Variants in RYR3 observed in about 807,000 individuals in gnomAD.
The protein encoded by RYR3 is ryanodine receptor 3.
In RYR3, 207 loss-of-function variants were observed where a neutral mutation model predicts 584.3. The observed-to-expected ratio is 0.35, with a 90% CI of 0.32 to 0.40. The LOEUF is 0.40. RYR3 is among the 10% of genes least tolerant of loss of function. RYR3 has a pLI of 1.00. For missense variants in RYR3, 5,616 were observed against 6,089.2 expected, an observed-to-expected ratio of 0.92 and a Z score of 2.59; for synonymous variants, 2,416 against 2,248.5, an observed-to-expected ratio of 1.07 and a Z score of -2.11.
chr15:33,844,961 C>T lies in RYR3; in HGVS notation c.13396C>T (p.Leu4466Phe), dbSNP rs199987027. The change falls in exon 93 of 104, where the codon CTT becomes TTT. Residue 4466 changes from leucine to phenylalanine, a missense_variant. By Grantham distance (22) the Leu-to-Phe change is conservative. This residue lies in a region of RYR3 where 918 missense variants were observed against 887.4 expected (regional missense o/e 1.03). Transcript: ENST00000634891. ...GGAAGAAGCGATGGTATTCTTTGTC[C>T]TTCAGGAGAGCACCGGGTATATGGC... is the stretch of plus-strand genomic sequence containing the variant. The part of the protein sequence containing the change: ...EEEEAMVFFV[L>F]QESTGYMAPT... 1.2e-6 allele frequency: 2 copies of T among 1,613,944 alleles called. No homozygotes were observed. The highest frequency in any genetic ancestry group is 1.7e-6 in the Non-Finnish European group (2 of 1,179,872).
chr15:33,693,292 A>G (rs1481599512), intron 38 of RYR3, among the ~76,000 whole-genome samples: 2 of 152,192 alleles, frequency 1.3e-5, no homozygotes, highest in African/African-American at 4.8e-5. Flanking sequence ...CCTCCATGCT[A>G]CCATGCCTGC....
At chr15:33,565,830 A>G (rs2057685482) in intron 11 of RYR3, among the ~76,000 whole-genome samples, 1 of 152,156 alleles carries the variant, frequency 6.6e-6, no homozygotes, top group Admixed American at 6.5e-5. Context: ...GGTAGTCCCA[A>G]AAAAATTGTG....
At chr15:33,713,041 A>C (rs1037749378) in intron 43 of RYR3, among the ~76,000 whole-genome samples, 1 of 152,210 alleles carries the variant, frequency 6.6e-6, no homozygotes, top group Admixed American at 6.5e-5. Context: ...TAATAAACAG[A>C]TTTCTTTGGA....
chr15:33,607,590 A>C (rs1445615536), intron 18 of RYR3, among the ~76,000 whole-genome samples: 3 of 152,204 alleles, frequency 2.0e-5, no homozygotes, highest in African/African-American at 7.2e-5. Flanking sequence ...GGTTGTTCTA[A>C]AAGGGTCAAA....
chr15:33,313,050 G>A (rs967218237), intron 1 of RYR3, among the ~76,000 whole-genome samples: 4 of 152,154 alleles, frequency 2.6e-5, no homozygotes, highest in Admixed American at 6.5e-5. Flanking sequence ...ACTGCATACC[G>A]GTTATGGCTT....
Position 33,397,870 on chromosome 15 carries a change from AG to A in RYR3, c.52-75543del, listed in dbSNP as rs1057217571. On this transcript the variant is annotated intron_variant, in intron 1 of 103. Transcript: ENST00000634891. Reference sequence around the variant, plus strand: ...AGTTGTTGTGTCTAAACCACAGAAGAGGGGGGTGTAATGAGGCCTATTTGAT... The same window carrying A: ...AGTTGTTGTGTCTAAACCACAGAAGAGGGGGTGTAATGAGGCCTATTTGAT... Among the ~76,000 whole-genome samples, 18 of 152,214 alleles carry A rather than the reference AG, an allele frequency of 1.2e-4. 1 individual carries two copies. Among genetic ancestry groups the A allele is most frequent in the South Asian group, 8.3e-4 (4 of 4,816 alleles).
chr15:33,724,743 A>G (rs766741262), intron 45 of RYR3, among the ~76,000 whole-genome samples: 38 of 152,124 alleles, frequency 2.5e-4, no homozygotes, highest in Non-Finnish European at 4.9e-4. Context: ...GCCTTATTTC[A>G]TATAAGGTCT....
intron 60 of RYR3, among the ~76,000 whole-genome samples, chr15:33,761,942 G>A (rs115656360): frequency 0.012 from 1,755 of 152,212 alleles, 26 homozygotes; most frequent in African/African-American, 0.04. Context: ...TGGGATCCAA[G>A]GCTGGTTCAA....
intron 22 of RYR3, among the ~76,000 whole-genome samples, 165 bp from the exon 23 acceptor site, chr15:33,631,045 C>T (rs1397159144): frequency 6.6e-6 from 1 of 152,152 alleles, no homozygotes; most frequent in East Asian, 1.9e-4. Context: ...ACATATGGCT[C>T]ACAAAGCCTA....
intron 5 of RYR3, among the ~76,000 whole-genome samples, chr15:33,535,750 A>C (rs1227139812): frequency 6.6e-6 from 1 of 152,216 alleles, no homozygotes; most frequent in Non-Finnish European, 1.5e-5. Flanking sequence ...AAATAAAGGG[A>C]AACAACAGCG....
chr15:33,437,350 C>T (rs34318413), intron 1 of RYR3, among the ~76,000 whole-genome samples: 9,350 of 152,272 alleles, frequency 0.061, 372 homozygotes, highest in Non-Finnish European at 0.092. Flanking sequence ...CTCATGGTTA[C>T]GGCATGGCTG....
In RYR3 at chr15:33,452,697, G is replaced by T. The variant is rs569934713; in HGVS notation, c.52-20722G>T. On this transcript the variant is annotated intron_variant, in intron 1 of 103. Transcript: ENST00000634891. ...TTTCCATTTCACAGCCAAAAAAATTGAGGTGTGAGAGGTTAAAAAAATTGC... is the reference window on the plus strand; with the variant it reads ...TTTCCATTTCACAGCCAAAAAAATTTAGGTGTGAGAGGTTAAAAAAATTGC... Among the ~76,000 whole-genome samples the T allele has an allele frequency of 2.9e-4, 35 of 121,414 alleles. 3 individuals carry two copies. In the South Asian group the frequency reaches 5.2e-3, roughly 18 times the overall value. 79.7% of individuals were successfully genotyped at this position (121,414 alleles called of 152,430 possible). A position where few individuals can be genotyped will look rare whatever the true frequency, so the allele number is the denominator to read the frequency against.
chr15:33,361,617 T>C (rs984713462), intron 1 of RYR3, among the ~76,000 whole-genome samples: 2 of 152,290 alleles, frequency 1.3e-5, no homozygotes, highest in Non-Finnish European at 1.5e-5. Context: ...AAATAGGGGC[T>C]AAATAAGCAG....
Position 33,823,047 on chromosome 15 carries a change from C to G in RYR3, c.11047C>G (p.Leu3683Val), listed in dbSNP as rs1239660209. The G allele has an allele frequency of 6.2e-7, 1 of 1,613,278 alleles. No homozygotes were observed. The highest frequency in any genetic ancestry group is 8.5e-7 in the Non-Finnish European group (1 of 1,179,612). Residue 3683 changes from leucine (L) to valine (V), a missense_variant, in exon 81 of 104, where the codon CTT becomes GTT. Leu to Val is a conservative substitution (Grantham distance 32). Coordinates refer to ENST00000634891, the MANE Select transcript of RYR3 (RefSeq NM_001036.6). ...AAAGGATGCTGGATTCTTTCAAAGC[C>G]TTTCTGGTCTTATGCAGTCTTGCAG... ...EKKDAGFFQS[L>V]SGLMQSCSVL...
chr15:33,659,597 G>A (rs1034353845), intron 32 of RYR3, 123 bp from the exon 33 acceptor site: 19 of 677,528 alleles, frequency 2.8e-5, no homozygotes, highest in African/African-American at 5.4e-5. Context: ...TCTGAGCAGT[G>A]GAGAATGACC....
chr15:33,578,668 A>C (rs1432571886), intron 12 of RYR3, among the ~76,000 whole-genome samples: 3 of 152,062 alleles, frequency 2.0e-5, no homozygotes, highest in African/African-American at 7.2e-5. Context: ...GCCGGGCCTA[A>C]TACTTAGGTC....
At chr15:33,497,269 A>C (rs975324890) in intron 2 of RYR3, among the ~76,000 whole-genome samples, 1 of 152,104 alleles carries the variant, frequency 6.6e-6, no homozygotes, top group Admixed American at 6.5e-5. Context: ...CCAGTGGGCT[A>C]TCTGCCAAGT....
chr15:33,837,725 G>A lies in RYR3; in HGVS notation c.11745G>A (p.Met3915Ile). ...NVEMILKFFD[M>I]FLKLKDLTSS... ...AAATGATCTTGAAATTCTTTGACAT[G>A]TTCTTGAAACTTAAAGACTTAACCA... The change falls in exon 89 of 104, where the codon ATG (methionine) becomes ATA (isoleucine). Residue 3915 changes from methionine (M) to isoleucine (I), a missense_variant. By Grantham distance (10) the Met-to-Ile change is conservative. This residue lies in a region of RYR3 where 258 missense variants were observed against 297.3 expected (regional missense o/e 0.87). Transcript: ENST00000634891. 5 of 1,612,880 alleles carry A rather than the reference G, an allele frequency of 3.1e-6. No homozygotes were observed. Among genetic ancestry groups the A allele is most frequent in the Non-Finnish European group, 4.2e-6 (5 of 1,179,304 alleles).
intron 2 of RYR3, among the ~76,000 whole-genome samples, chr15:33,481,156 C>A (rs531857281): frequency 6.6e-6 from 1 of 152,230 alleles, no homozygotes; most frequent in East Asian, 1.9e-4. Context: ...TTATATGGTA[C>A]ATCTTTTTCA....
Sources: allele counts gnomAD v4.1 joint callset (sites outside exome capture counted in the v4.1 genomes callset), GRCh38; gene constraint gnomAD v4.1.1; regional missense constraint gnomAD v4.1.1; transcripts MANE v1.5; gene names NCBI Gene and HGNC (gene_info 2026-07-23, HGNC 2026-07-21).